GOSR1: variants seen among roughly 807,000 people sequenced by gnomAD.
GOSR1 encodes the protein 28 kDa Golgi SNARE protein.
Under a neutral mutation model 35.5 loss-of-function variants are expected in GOSR1, and 21 were observed. The ratio of observed to expected loss-of-function variants is 0.59; its 90% confidence interval spans 0.42 to 0.85. The LOEUF (loss-of-function observed/expected upper bound fraction) is 0.85. Ranked by LOEUF, GOSR1 falls within the 40% of genes least tolerant of loss-of-function variation. The pLI, the probability that GOSR1 is intolerant of heterozygous loss-of-function variation, is 0.00. For synonymous variants in GOSR1, 94 were observed against 106.6 expected (o/e 0.88, Z 0.73); for missense variants, 285 against 309.6 (o/e 0.92, Z 0.60).
At chr17:30,516,387 A>G (rs1173729433) in intron 7 of GOSR1, among the ~76,000 whole-genome samples, 3 of 149,984 alleles carry the variant, frequency 2.0e-5, no homozygotes, top group Admixed American at 1.3e-4. Flanking sequence ...GGAGAATGGC[A>G]TGAACCTGGG....
chr17:30,512,640 G>A (rs1195784548), intron 7 of GOSR1, among the ~76,000 whole-genome samples: 1 of 152,198 alleles, frequency 6.6e-6, no homozygotes, highest in Admixed American at 6.5e-5. Flanking sequence ...TCCACCTGAA[G>A]AAAGTTTTCA....
intron 4 of GOSR1, chr17:30,484,971 G>T (rs1391222894): frequency 1.7e-6 from 1 of 592,346 alleles, no homozygotes; most frequent in Non-Finnish European, 3.1e-6. Context: ...AATAGCTCTT[G>T]CTATTTCTTG....
At chr17:30,512,181 T>G (rs1370435302) in intron 7 of GOSR1, among the ~76,000 whole-genome samples, 2 of 152,224 alleles carry the variant, frequency 1.3e-5, no homozygotes, top group Non-Finnish European at 2.9e-5. Context: ...AATTAACTTC[T>G]TGGAACTTTC....
At chr17:30,515,032 T>A (rs1454940132) in intron 7 of GOSR1, among the ~76,000 whole-genome samples, 1 of 152,200 alleles carries the variant, frequency 6.6e-6, no homozygotes, top group Non-Finnish European at 1.5e-5. Context: ...GCCTCACTTT[T>A]CTGTTTGCTG....
intron 4 of GOSR1, among the ~76,000 whole-genome samples, chr17:30,487,810 C>G (rs867569297): frequency 5.9e-5 from 9 of 152,054 alleles, no homozygotes; most frequent in African/African-American, 1.9e-4. Context: ...CTCTGTTGTC[C>G]AGGCTGGAGT....
chr17:30,515,047 G>T (rs1336314363), intron 7 of GOSR1, among the ~76,000 whole-genome samples: 1 of 152,108 alleles, frequency 6.6e-6, no homozygotes, highest in African/African-American at 2.4e-5. Flanking sequence ...TTGCTGGGTG[G>T]TTTATTTGAA....
chr17:30,509,982 A>G (rs1967554435), intron 6 of GOSR1, among the ~76,000 whole-genome samples: 1 of 152,228 alleles, frequency 6.6e-6, no homozygotes, highest in South Asian at 2.1e-4. Flanking sequence ...TCATTTCTTT[A>G]TGCTGTCATT....
intron 5 of GOSR1, among the ~76,000 whole-genome samples, chr17:30,491,717 T>C (rs1381564093): frequency 2.6e-5 from 4 of 152,030 alleles, no homozygotes; most frequent in Non-Finnish European, 4.4e-5. Flanking sequence ...ATCTAGGTGC[T>C]AGAGGAAAGT....
At chr17:30,514,617 A>G (rs935280268) in intron 7 of GOSR1, among the ~76,000 whole-genome samples, 8 of 152,248 alleles carry the variant, frequency 5.3e-5, no homozygotes, top group Admixed American at 3.3e-4. Context: ...TGCTCTGGGC[A>G]TTGAGTGAAC....
chr17:30,480,479 T>C (rs1427698521), intron 1 of GOSR1, among the ~76,000 whole-genome samples: 1 of 152,214 alleles, frequency 6.6e-6, no homozygotes, highest in African/African-American at 2.4e-5. Flanking sequence ...ACCATATTTT[T>C]AGTTCCTTTG....
At chr17:30,499,498 C>A (rs754013671) in intron 6 of GOSR1, among the ~76,000 whole-genome samples, 2 of 152,148 alleles carry the variant, frequency 1.3e-5, no homozygotes, top group East Asian at 3.9e-4. Flanking sequence ...CATGCCACCA[C>A]GCCCAGCTAA....
chr17:30,515,498 A>G (rs1382980753), intron 7 of GOSR1, among the ~76,000 whole-genome samples: 21 of 152,006 alleles, frequency 1.4e-4, no homozygotes, highest in Admixed American at 1.4e-3. Context: ...CTCCTGAGCT[A>G]GGTCTTCTAC....
intron 7 of GOSR1, chr17:30,519,591 TTCTTTTTAAAC>T (rs1967951652): frequency 6.1e-6 from 1 of 164,062 alleles, no homozygotes; most frequent in African/African-American, 2.4e-5. Flanking sequence ...AGTAGCTGGC[TTCTTTTTAAAC>T]TCTTTTTAAA....
At chr17:30,498,345 G>T (rs1017731464) in intron 6 of GOSR1, among the ~76,000 whole-genome samples, 2 of 152,088 alleles carry the variant, frequency 1.3e-5, no homozygotes, top group African/African-American at 2.4e-5. Flanking sequence ...AAGCATAGTG[G>T]CATCATCCCT....
chr17:30,491,239 G>A (rs999021258), intron 5 of GOSR1, among the ~76,000 whole-genome samples: 3 of 152,154 alleles, frequency 2.0e-5, no homozygotes, highest in Admixed American at 6.5e-5. Context: ...TAATTTGTGG[G>A]AATCACTAGA....
chr17:30,522,506 A>G lies in GOSR1; in HGVS notation c.*128A>G. The G allele has an allele frequency of 1.6e-6, 1 of 611,242 alleles. No individual in the cohort carries two copies. Among genetic ancestry groups the G allele is most frequent in the Non-Finnish European group, 2.7e-6 (1 of 374,238 alleles). The allele number at this position is 611,242 out of a possible 1,614,324, so 37.9% of individuals were successfully genotyped here. On this transcript the variant is annotated 3_prime_UTR_variant, in exon 9 of 9. Coordinates refer to ENST00000451249, the MANE Select transcript of GOSR1 (RefSeq NM_001007025.2). ...CCAGCAGGATGAATGCAAGACTGAC[A>G]GTGATGGACTCTGTGACATGGTCAG...
At position 30,523,344 on chromosome 17, in the gene GOSR1, C is replaced by CA. The variant is rs1968110130; in HGVS notation, c.*966_*967insA. 1 of 180,808 alleles carries CA rather than the reference C, an allele frequency of 5.5e-6. No individual in the cohort carries two copies. Among genetic ancestry groups the CA allele is most frequent in the African/African-American group, 2.4e-5 (1 of 41,600 alleles). The allele number at this position is 180,808 out of a possible 1,614,324, so 11.2% of individuals were successfully genotyped here. ...GATGTGAGGAGCTCCTCTGCCCGGC[C>CA]GCGACCCCGTCTGGGAGGTGAGGAG... On this transcript the variant is annotated 3_prime_UTR_variant, in exon 9 of 9. Transcript: ENST00000451249.
In GOSR1 at chr17:30,503,279, G is replaced by A. The variant is rs1967282068; in HGVS notation, c.510-7601G>A. On this transcript the variant is annotated intron_variant, in intron 6 of 8. Transcript: ENST00000451249. ...GTAGTGTGTGTGTTGGGGGAAATAA[G>A]TTATTTTTTAAAAAGAGAATTATTT... 2.0e-5 allele frequency among the ~76,000 whole-genome samples: 3 copies of A among 152,156 alleles called. No homozygotes were observed. In the South Asian group the frequency reaches 6.2e-4, roughly 31 times the overall value.
intron 6 of GOSR1, among the ~76,000 whole-genome samples, chr17:30,496,025 C>A (rs1966985953): frequency 1.3e-5 from 2 of 152,164 alleles, no homozygotes; most frequent in South Asian, 4.1e-4. Context: ...TGTCTCTTCA[C>A]CTGATACAGA....
Sources: gnomAD v4.1 joint callset for allele counts (sites outside exome capture counted in the v4.1 genomes callset) on GRCh38, gnomAD v4.1.1 for gene constraint, MANE v1.5 for transcripts, NCBI Gene and HGNC (gene_info 2026-07-23, HGNC 2026-07-21) for gene names.